Variants in PLXNC1 observed in about 807,000 individuals in gnomAD.
The protein encoded by PLXNC1 is plexin-C1.
A neutral mutation model predicts 178.2 loss-of-function variants in PLXNC1; 75 were observed. That is an observed-to-expected ratio of 0.42 (90% CI 0.35 to 0.51). The LOEUF (loss-of-function observed/expected upper bound fraction) is 0.51. Ranked by LOEUF, PLXNC1 falls within the 20% of genes least tolerant of loss-of-function variation. PLXNC1 has a pLI of 0.02. For missense variants in PLXNC1, 1,503 were observed against 1,984.4 expected (o/e 0.76, Z 4.61); for synonymous variants, 790 against 779.9 (o/e 1.01, Z -0.22).
intron 1 of PLXNC1, among the ~76,000 whole-genome samples, chr12:94,165,507 A>T (rs1281057233): frequency 6.6e-6 from 1 of 152,184 alleles, no homozygotes; most frequent in Non-Finnish European, 1.5e-5. Context: ...GACTGTGGCC[A>T]GGGTCCTCCA....
At chr12:94,272,929 G>C (rs1408409195) in intron 21 of PLXNC1, among the ~76,000 whole-genome samples, 1 of 152,176 alleles carries the variant, frequency 6.6e-6, no homozygotes, top group Non-Finnish European at 1.5e-5. Flanking sequence ...ATTCATTGAG[G>C]CCTTCAAGCA....
At chr12:94,274,155 T>TTAA (rs1190908348) in intron 21 of PLXNC1, among the ~76,000 whole-genome samples, 2 of 45,376 alleles carry the variant, frequency 4.4e-5, no homozygotes, top group African/African-American at 1.2e-4. Flanking sequence ...ACCCTGTCTC[T>TTAA]AAAAAAAAAA....
intron 23 of PLXNC1, among the ~76,000 whole-genome samples, chr12:94,288,830 C>T (rs184164065): frequency 6.6e-6 from 1 of 152,276 alleles, no homozygotes; most frequent in Admixed American, 6.5e-5. Flanking sequence ...TCTGTTTTCA[C>T]GTAATATTGT....
rs536797204 is a variant in PLXNC1, at chr12:94,304,012, G to A, written c.4563G>A (p.Leu1521=). 6 of 1,589,872 alleles carry A rather than the reference G, an allele frequency of 3.8e-6. No homozygotes were observed. The highest frequency in any genetic ancestry group is 1.1e-5 in the South Asian group (1 of 90,352). The change falls in exon 30 of 31, where the codon TTG becomes TTA. Residue 1521 remains leucine (L), a synonymous_variant. Transcript: ENST00000258526. ...ATGAATTTAATGAAGAAGTGGCCTT[G>A]ACAGAAATTTACAAATACATCGTAA... ...HENEFNEEVA[L]TEIYKYIVKY...
intron 7 of PLXNC1, among the ~76,000 whole-genome samples, chr12:94,224,521 G>A (rs113874667): frequency 3.0e-4 from 45 of 152,132 alleles, no homozygotes; most frequent in African/African-American, 1.1e-3. Flanking sequence ...CTGGCGCTGC[G>A]AGGGAGAGAA....
Position 94,300,812 on chromosome 12 carries a change from T to C in PLXNC1, c.4239-98T>C, listed in dbSNP as rs1968392067. The C allele has an allele frequency of 3.5e-6, 4 of 1,146,290 alleles. No homozygotes were observed. In the Admixed American group the frequency reaches 8.8e-5, roughly 25 times the overall value. 71.0% of individuals were successfully genotyped at this position (1,146,290 alleles called of 1,614,324 possible). A position where few individuals can be genotyped will look rare whatever the true frequency, so the allele number is the denominator to read the frequency against. ...GGCTAAGCAGAGTTGTATACTTCAA[T>C]AACAAGGACAAAAACACCCGTTTAC... On this transcript the variant is annotated intron_variant, in intron 27 of 30. Coordinates refer to ENST00000258526, the MANE Select transcript of PLXNC1 (RefSeq NM_005761.3).
intron 4 of PLXNC1, among the ~76,000 whole-genome samples, chr12:94,206,695 T>C (rs1464230945): frequency 2.0e-5 from 3 of 152,160 alleles, no homozygotes; most frequent in Non-Finnish European, 4.4e-5. Context: ...GCAAAAGTAA[T>C]AGTAAGTCAA....
intron 28 of PLXNC1, among the ~76,000 whole-genome samples, chr12:94,303,089 AATG>A (rs1197970458): frequency 6.6e-6 from 1 of 152,212 alleles, no homozygotes. Flanking sequence ...TGTGAAAAAT[AATG>A]ATTTTTAAAA....
chr12:94,278,734 A>C (rs1448087714), intron 21 of PLXNC1, among the ~76,000 whole-genome samples: 1 of 152,190 alleles, frequency 6.6e-6, no homozygotes, highest in Non-Finnish European at 1.5e-5. Context: ...ACAGTGGCTC[A>C]CGCCTGTAAT....
intron 15 of PLXNC1, 64 bp from the exon 16 acceptor site, chr12:94,254,723 A>G (rs765279835): frequency 3.5e-6 from 4 of 1,131,386 alleles, no homozygotes; most frequent in Non-Finnish European, 3.8e-6. Context: ...AAAGATTGCT[A>G]TTTGTTTTCA....
chr12:94,194,534 A>T (rs1480023522), intron 4 of PLXNC1, among the ~76,000 whole-genome samples: 1 of 152,156 alleles, frequency 6.6e-6, no homozygotes, highest in East Asian at 1.9e-4. Context: ...TGGGTGAATC[A>T]CTTGAGCCCA....
chr12:94,282,998 G>T (rs1188315199), intron 23 of PLXNC1, among the ~76,000 whole-genome samples: 1 of 152,198 alleles, frequency 6.6e-6, no homozygotes, highest in Non-Finnish European at 1.5e-5. Flanking sequence ...GGCAGTGAAG[G>T]TTCCTGAACA....
chr12:94,164,669 A>ACACACACACACACG (rs1961527875), intron 1 of PLXNC1, among the ~76,000 whole-genome samples: 1 of 5,886 alleles, frequency 1.7e-4, no homozygotes, highest in Non-Finnish European at 4.4e-4. Context: ...CTGCACACAC[A>ACACACACACACACG]CACACACACA....
intron 23 of PLXNC1, among the ~76,000 whole-genome samples, chr12:94,290,961 G>A (rs1967257466): frequency 6.6e-6 from 1 of 152,188 alleles, no homozygotes; most frequent in Admixed American, 6.5e-5. Context: ...GTAATTTTGT[G>A]AATGAGCCCC....
At chr12:94,272,841 GT>G (rs1191927147) in intron 21 of PLXNC1, among the ~76,000 whole-genome samples, 1 of 152,210 alleles carries the variant, frequency 6.6e-6, no homozygotes, top group Non-Finnish European at 1.5e-5. Flanking sequence ...GTTCTGTGGG[GT>G]TCAATATCAA....
chr12:94,234,910 A>G, intron 9 of PLXNC1, among the ~76,000 whole-genome samples: 1 of 152,338 alleles, frequency 6.6e-6, no homozygotes, highest in Non-Finnish European at 1.5e-5. Context: ...CAAAATCTTT[A>G]TTGGTAAAAA....
chr12:94,220,220 C>T (rs1191995530), intron 6 of PLXNC1, 57 bp downstream of exon 6: 7 of 1,555,004 alleles, frequency 4.5e-6, no homozygotes, highest in Non-Finnish European at 6.2e-6. Context: ...AAGGGAACCT[C>T]CTGAGTTTAG....
chr12:94,305,338 AAAATGGCTGCTTG>A lies in PLXNC1; in HGVS notation c.*55_*67del. The A allele has an allele frequency of 9.7e-7, 1 of 1,036,042 alleles. No individual in the cohort carries two copies. The highest frequency in any genetic ancestry group is 2.5e-5 in the East Asian group (1 of 39,554). 64.2% of individuals were successfully genotyped at this position (1,036,042 alleles called of 1,614,324 possible). A position where few individuals can be genotyped will look rare whatever the true frequency, so the allele number is the denominator to read the frequency against. ...AAAGTTCTTCAGACGACTTGGGAGCAAAATGGCTGCTTGAGCTACTCTGTGTCGTTAATTTGTT... is the reference window on the plus strand; with the variant it reads ...AAAGTTCTTCAGACGACTTGGGAGCAAGCTACTCTGTGTCGTTAATTTGTT... On this transcript the variant is annotated 3_prime_UTR_variant, in exon 31 of 31. Transcript: ENST00000258526.
At position 94,237,813 on chromosome 12, in the gene PLXNC1, A is replaced by G. The variant is rs754569241; in HGVS notation, c.2120+10A>G. The G allele has an allele frequency of 1.2e-6, 2 of 1,612,084 alleles. No individual in the cohort carries two copies. The highest frequency in any genetic ancestry group is 1.7e-6 in the Non-Finnish European group (2 of 1,179,342). ...CCTGTGATAAGGATGTGTGAGTCGA[A>G]ATACTAATAATTTATCCTCGGTAAC... On this transcript the variant is annotated intron_variant, in intron 10 of 30. Transcript: ENST00000258526.
Sources: gnomAD v4.1 joint callset for allele counts (sites outside exome capture counted in the v4.1 genomes callset) on GRCh38, gnomAD v4.1.1 for gene constraint, MANE v1.5 for transcripts, NCBI Gene and HGNC (gene_info 2026-07-23, HGNC 2026-07-21) for gene names.